The following CNTNAP2 variants were observed in gnomAD, a reference collection of about 807,000 sequenced individuals.
The protein encoded by CNTNAP2 is contactin-associated protein-like 2.
Under a neutral mutation model 155.2 loss-of-function variants are expected in CNTNAP2, and 98 were observed. That is an observed-to-expected ratio of 0.63 (90% CI 0.54 to 0.75). CNTNAP2 has a LOEUF of 0.75. CNTNAP2 is among the 30% of genes least tolerant of loss of function. The probability of loss-of-function intolerance (pLI) is 0.00; values close to 1 mark genes in which losing one functional copy is unlikely to be tolerated. For missense variants in CNTNAP2, 1,727 were observed against 1,688.1 expected (o/e 1.02, Z -0.40); for synonymous variants, 651 against 631.2 (o/e 1.03, Z -0.47).
intron 14 of CNTNAP2, among the ~76,000 whole-genome samples, chr7:147,977,039 G>A (rs1801436813): frequency 6.6e-6 from 1 of 152,068 alleles, no homozygotes; most frequent in Non-Finnish European, 1.5e-5. Flanking sequence ...AAAGGCCACT[G>A]ATTTTCCATG....
chr7:147,498,203 C>A (rs1216396224), intron 11 of CNTNAP2, among the ~76,000 whole-genome samples: 1 of 151,180 alleles, frequency 6.6e-6, no homozygotes, highest in Admixed American at 6.6e-5. Context: ...CTCCTCTCTT[C>A]TCAGCTGACC....
chr7:148,079,596 C>A (rs1803558332), intron 15 of CNTNAP2, among the ~76,000 whole-genome samples: 1 of 152,206 alleles, frequency 6.6e-6, no homozygotes, highest in African/African-American at 2.4e-5. Context: ...GAAAGGGATT[C>A]TCTACAGAAG....
chr7:146,446,368 ATCT>A (rs777250632), intron 1 of CNTNAP2, among the ~76,000 whole-genome samples: 24 of 151,634 alleles, frequency 1.6e-4, no homozygotes, highest in Non-Finnish European at 3.2e-4. Context: ...ATCTAGAGAA[ATCT>A]TCTACACATT....
intron 4 of CNTNAP2, among the ~76,000 whole-genome samples, chr7:147,087,540 G>A (rs1258174182): frequency 6.6e-6 from 1 of 152,142 alleles, no homozygotes; most frequent in Non-Finnish European, 1.5e-5. Flanking sequence ...CTTGTCTAAT[G>A]ACATTTTCTA....
At chr7:147,971,866 G>A (rs1192297509) in intron 14 of CNTNAP2, among the ~76,000 whole-genome samples, 1 of 152,130 alleles carries the variant, frequency 6.6e-6, no homozygotes, top group African/African-American at 2.4e-5. Flanking sequence ...TTAAGAAACT[G>A]CCAAACTGTT....
chr7:146,486,046 C>CTTTTTTTTTTTTTTTTTTTTTT (rs71175651), intron 1 of CNTNAP2, among the ~76,000 whole-genome samples: 1 of 42,606 alleles, frequency 2.3e-5, no homozygotes, highest in Non-Finnish European at 4.4e-5. Context: ...CCACAGCAGT[C>CTTTTTTTTTTTTTTTTTTTTTT]TTTTTTTTTT....
At chr7:147,580,098 A>G (rs1800470539) in intron 12 of CNTNAP2, among the ~76,000 whole-genome samples, 1 of 152,226 alleles carries the variant, frequency 6.6e-6, no homozygotes. Flanking sequence ...CTGTTCATGC[A>G]TGTTGACCCA....
chr7:146,452,829 C>G (rs1457770928), intron 1 of CNTNAP2, among the ~76,000 whole-genome samples: 1 of 152,108 alleles, frequency 6.6e-6, no homozygotes, highest in Non-Finnish European at 1.5e-5. Context: ...ATTTGCTCTC[C>G]CCTCTGAAGA....
chr7:147,567,608 C>G (rs1024684278), intron 12 of CNTNAP2, among the ~76,000 whole-genome samples: 2 of 152,028 alleles, frequency 1.3e-5, no homozygotes, highest in East Asian at 3.9e-4. Context: ...TTGGCCAGAC[C>G]GTTCCTGATG....
intron 8 of CNTNAP2, among the ~76,000 whole-genome samples, chr7:147,269,482 T>C (rs1804690962): frequency 6.6e-6 from 1 of 152,106 alleles, no homozygotes; most frequent in Non-Finnish European, 1.5e-5. Flanking sequence ...AGAATCATCA[T>C]CACATAAATA....
intron 1 of CNTNAP2, among the ~76,000 whole-genome samples, chr7:146,676,551 C>T (rs558413444): frequency 6.6e-5 from 10 of 151,906 alleles, no homozygotes; most frequent in African/African-American, 2.4e-4. Flanking sequence ...GGTACAGATC[C>T]CATCACACAG....
chr7:147,714,756 T>C (rs945914395), intron 13 of CNTNAP2, among the ~76,000 whole-genome samples: 1 of 152,028 alleles, frequency 6.6e-6, no homozygotes, highest in East Asian at 1.9e-4. Context: ...AATGTGTAGA[T>C]ATGTGTAACC....
At chr7:148,128,018 C>T (rs999726450) in intron 16 of CNTNAP2, among the ~76,000 whole-genome samples, 4 of 152,024 alleles carry the variant, frequency 2.6e-5, no homozygotes, top group Admixed American at 1.3e-4. Context: ...CACAGGTGCA[C>T]GCCACCACAC....
rs1797864920 is a variant in CNTNAP2 at position 147,794,668 on chromosome 7, C to T, written c.2099-108897C>T. On this transcript the variant is annotated intron_variant, in intron 13 of 23. Transcript: ENST00000361727. ...AGCCTCATAGAATGAATAGGGATAC[C>T]TCCTTTTCTATGTTACGAGTTTGTT... Among the ~76,000 whole-genome samples, 4 of 151,510 alleles carry T rather than the reference C, an allele frequency of 2.6e-5. No individual in the cohort carries two copies. In the South Asian group the frequency reaches 8.3e-4, roughly 31 times the overall value.
chr7:147,907,823 C>T (rs1157513503), intron 14 of CNTNAP2, among the ~76,000 whole-genome samples: 1 of 152,168 alleles, frequency 6.6e-6, no homozygotes, highest in African/African-American at 2.4e-5. Flanking sequence ...ACTCTGTCAA[C>T]CAGGCTGAGG....
intron 13 of CNTNAP2, among the ~76,000 whole-genome samples, chr7:147,763,840 A>C (rs2116523720): frequency 6.6e-6 from 1 of 152,218 alleles, no homozygotes; most frequent in Non-Finnish European, 1.5e-5. Flanking sequence ...GACTGAGAGC[A>C]CAAGCCTCAA....
chr7:148,172,132 A>G (rs1805804443), intron 17 of CNTNAP2, 110 bp from the exon 18 acceptor site: 1 of 1,051,150 alleles, frequency 9.5e-7, no homozygotes, highest in Non-Finnish European at 1.5e-6. Flanking sequence ...TAGTGACAAT[A>G]CTAGATGTGC....
chr7:147,892,622 A>C (rs534622007), intron 13 of CNTNAP2, among the ~76,000 whole-genome samples: 1 of 152,386 alleles, frequency 6.6e-6, no homozygotes, highest in African/African-American at 2.4e-5. Flanking sequence ...AATCTAATTC[A>C]TTTGAATAAG....
At chr7:147,458,519 T>C (rs1293120736) in intron 10 of CNTNAP2, among the ~76,000 whole-genome samples, 2 of 152,142 alleles carry the variant, frequency 1.3e-5, no homozygotes, top group Admixed American at 6.6e-5. Context: ...AAAGTTCTAC[T>C]ACAGATACAC....
Sources: allele counts gnomAD v4.1 joint callset (sites outside exome capture counted in the v4.1 genomes callset), GRCh38; gene constraint gnomAD v4.1.1; transcripts MANE v1.5; gene names NCBI Gene and HGNC (gene_info 2026-07-23, HGNC 2026-07-21).